Variants in ACAD8 observed in about 807,000 individuals in gnomAD.
ACAD8 encodes acyl-CoA dehydrogenase family member 8.
ACAD8 carries 47 observed loss-of-function variants against 53.1 expected under a neutral mutation model. That is an observed-to-expected ratio of 0.89 (90% CI 0.70 to 1.13). The LOEUF is 1.13. Ranked by LOEUF, ACAD8 falls within the 50% of genes most tolerant of loss-of-function variation. The pLI is 0.00. For missense variants in ACAD8, 494 were observed against 535.0 expected (o/e 0.92, Z 0.76); for synonymous variants, 198 against 201.3 (o/e 0.98, Z 0.14).
chr11:134,258,846 C>A, intron 4 of ACAD8, 162 bp from the exon 5 acceptor site: 1 of 763,058 alleles, frequency 1.3e-6, no homozygotes, highest in Non-Finnish European at 2.3e-6. Flanking sequence ...GAGCAGTTTC[C>A]ACCAAGTACA....
intron 10 of ACAD8, chr11:134,263,132 C>T: frequency 9.2e-7 from 1 of 1,091,624 alleles, no homozygotes; most frequent in Non-Finnish European, 1.1e-6. Context: ...CACAGACATT[C>T]TATCGAGGAA....
At position 134,261,890 on chromosome 11, in the gene ACAD8, C is replaced by G. The variant is rs146813391; in HGVS notation, c.1092C>G (p.Ala364=). 1 of 1,613,746 alleles carries G rather than the reference C, an allele frequency of 6.2e-7. No individual in the cohort carries two copies. Among genetic ancestry groups the G allele is most frequent in the East Asian group, 2.2e-5 (1 of 44,900 alleles). Residue 364 remains alanine (A), a splice_region_variant and synonymous_variant, in exon 9 of 11, where the codon GCC becomes GCG. Transcript: ENST00000281182. The surrounding 1 kb of genome is among the most constrained non-coding windows in gnomAD (Gnocchi z 4.2). The part of the protein sequence containing the change: ...AKLFATDECF[A]ICNQALQMHG... ...TCTTTGCTACAGATGAATGCTTTGC[C>G]GTAAGTGATTCCTCTGGCTCTCCTG...
At chr11:134,264,147 C>T (rs188876517) in intron 10 of ACAD8, 2 of 700,232 alleles carry the variant, frequency 2.9e-6, no homozygotes, top group Non-Finnish European at 3.5e-6. Context: ...GAGTTCGAGA[C>T]CAGCTTGGCC....
intron 10 of ACAD8, chr11:134,263,245 G>A (rs1005558717): frequency 1.5e-5 from 15 of 1,006,904 alleles, no homozygotes; most frequent in African/African-American, 1.7e-5. Context: ...AGCAGGAGGG[G>A]CAGAGGCTTC....
chr11:134,253,868 A>C (rs1939284598), intron 1 of ACAD8, among the ~76,000 whole-genome samples, 159 bp downstream of exon 1: 1 of 142,208 alleles, frequency 7.0e-6, no homozygotes, highest in Non-Finnish European at 1.5e-5. Context: ...CCGGCCGGTC[A>C]CCCCCGGCCT....
intron 2 of ACAD8, 21 bp downstream of exon 2, chr11:134,256,669 T>A: frequency 6.2e-7 from 1 of 1,601,224 alleles, no homozygotes; most frequent in Non-Finnish European, 8.6e-7. Context: ...TTCTTGTGCT[T>A]AGACGTTCTA....
rs1269822910 is a variant in ACAD8, at chr11:134,261,696, A to T, written c.940-42A>T. ...GGCTCCTGCACCAGGTGCTGGTCTA[A>T]GCCCCTCAGTCTTGTCTGGTTCTCT... is the stretch of plus-strand genomic sequence containing the variant. On this transcript the variant is annotated intron_variant, in intron 8 of 10. Transcript: ENST00000281182. The surrounding 1 kb of genome is among the most constrained non-coding windows in gnomAD (Gnocchi z 4.2). The T allele has an allele frequency of 2.5e-6, 4 of 1,610,446 alleles. No individual in the cohort carries two copies. Among genetic ancestry groups the T allele is most frequent in the Non-Finnish European group, 3.4e-6 (4 of 1,179,868 alleles).
At position 134,261,801 on chromosome 11, in the gene ACAD8, A is replaced by G. The variant is rs1421816413; in HGVS notation, c.1003A>G (p.Asn335Asp). Residue 335 changes from asparagine to aspartate, a missense_variant, in exon 9 of 11, where the codon AAT (asparagine) becomes GAT (aspartate). Asn to Asp is a conservative substitution (Grantham distance 23, BLOSUM62 1). Transcript: ENST00000281182. The surrounding 1 kb of genome is among the most constrained non-coding windows in gnomAD (Gnocchi z 4.2). ...GGTGGCCGCGCGGCTGATGGTCCGC[A>G]ATGCAGCAGTGGCTCTGCAGGAGGA... The part of the protein sequence containing the change: ...RLVAARLMVR[N>D]AAVALQEERK... The G allele has an allele frequency of 1.2e-6, 2 of 1,614,180 alleles. No homozygotes were observed. The highest frequency in any genetic ancestry group is 1.7e-6 in the Non-Finnish European group (2 of 1,180,040).
Position 134,265,014 on chromosome 11 carries a change from G to T in ACAD8, c.*54G>T. 1 of 1,574,030 alleles carries T rather than the reference G, an allele frequency of 6.4e-7. No individual in the cohort carries two copies. The highest frequency in any genetic ancestry group is 8.7e-7 in the Non-Finnish European group (1 of 1,143,932). ...AGTGCGACTGCAGTCAGTGTTGAGT[G>T]GTGCCATGTGGGCCGCTCTATTCCA... is the stretch of plus-strand genomic sequence containing the variant. On this transcript the variant is annotated 3_prime_UTR_variant, in exon 11 of 11. Transcript: ENST00000281182.
intron 2 of ACAD8, 70 bp downstream of exon 2, chr11:134,256,718 T>G (rs473041): frequency 7.5e-7 from 1 of 1,333,404 alleles, no homozygotes; most frequent in Non-Finnish European, 1.1e-6. Context: ...CTTTGTCTCC[T>G]GATAATGTAA....
intron 4 of ACAD8, 27 bp downstream of exon 4, chr11:134,258,651 A>T: frequency 6.6e-7 from 1 of 1,526,288 alleles, no homozygotes; most frequent in Non-Finnish European, 9.1e-7. Context: ...GCACTGAGAT[A>T]TAGCAGGGAG....
In ACAD8 at chr11:134,265,000, AGTC is replaced by A. The variant is rs985419163; in HGVS notation, c.*41_*43del. ...CTGGCCTGGTGTTCAGTGCGACTGC[AGTC>A]AGTGTTGAGTGGTGCCATGTGGGCC... On this transcript the variant is annotated 3_prime_UTR_variant, in exon 11 of 11. Coordinates refer to ENST00000281182, the MANE Select transcript of ACAD8 (RefSeq NM_014384.3). 9 of 1,604,496 alleles carry A rather than the reference AGTC, an allele frequency of 5.6e-6. No individual in the cohort carries two copies. Among genetic ancestry groups the A allele is most frequent in the Non-Finnish European group, 6.8e-6 (8 of 1,171,476 alleles).
Position 134,261,901 on chromosome 11 carries a change from C to T in ACAD8, c.1092+11C>T, listed in dbSNP as rs778985827. The T allele has an allele frequency of 5.0e-6, 8 of 1,613,466 alleles. No individual in the cohort carries two copies. Among genetic ancestry groups the T allele is most frequent in the Non-Finnish European group, 6.8e-6 (8 of 1,180,014 alleles). ...GATGAATGCTTTGCCGTAAGTGATT[C>T]CTCTGGCTCTCCTGGGATGGACAGG... On this transcript the variant is annotated intron_variant, in intron 9 of 10. Coordinates refer to ENST00000281182, the MANE Select transcript of ACAD8 (RefSeq NM_014384.3). This position sits in a 1 kb window ranked among gnomAD's most constrained non-coding sequence, Gnocchi z 4.2.
At chr11:134,263,607 G>A in intron 10 of ACAD8, 1 of 985,418 alleles carries the variant, frequency 1.0e-6, no homozygotes, top group Non-Finnish European at 1.2e-6. Context: ...ATGTTTATGG[G>A]CTCAGTCGCC....
At position 134,258,533 on chromosome 11, in the gene ACAD8, T is replaced by C. The variant is rs754229258; in HGVS notation, c.399T>C (p.Ile133=). The change falls in exon 4 of 11, where the codon ATT becomes ATC. Residue 133 remains isoleucine, a synonymous_variant. Coordinates refer to ENST00000281182, the MANE Select transcript of ACAD8 (RefSeq NM_014384.3). ...ISIHNMCAWM[I]DSFGNEEQRH... is the part of the protein sequence containing the mutation. ...CTATCAGCATGTGTGCCTGGATGAT[T>C]GATAGCTTCGGAAATGAGGAACAGA... 5 of 1,613,744 alleles carry C rather than the reference T, an allele frequency of 3.1e-6. No individual in the cohort carries two copies. The highest frequency in any genetic ancestry group is 2.5e-6 in the Non-Finnish European group (3 of 1,179,750).
intron 10 of ACAD8, chr11:134,263,868 A>G: frequency 2.0e-6 from 2 of 985,398 alleles, no homozygotes; most frequent in Non-Finnish European, 2.4e-6. Context: ...TTTATGCTTT[A>G]TTTGAGACGA....
chr11:134,262,694 C>T, intron 10 of ACAD8, 72 bp downstream of exon 10: 2 of 1,533,852 alleles, frequency 1.3e-6, no homozygotes, highest in Non-Finnish European at 8.8e-7. Flanking sequence ...CACTCTCTGT[C>T]CCCATGCCTC....
In ACAD8 at chr11:134,261,103, G is replaced by C; in HGVS notation, c.765G>C (p.Val255=). The C allele has an allele frequency of 3.7e-6, 6 of 1,612,164 alleles. No homozygotes were observed. Among genetic ancestry groups the C allele is most frequent in the Non-Finnish European group, 4.2e-6 (5 of 1,179,244 alleles). Residue 255 remains valine (V), a synonymous_variant, in exon 7 of 11, where the codon GTG becomes GTC. Transcript: ENST00000281182. The surrounding 1 kb of genome is among the most constrained non-coding windows in gnomAD (Gnocchi z 4.2). The part of the protein sequence containing the change: ...AVIFEDCAVP[V]ANRIGSEGQG... ...TCTTCGAAGACTGTGCTGTCCCTGT[G>C]GCCAACAGAATTGGGAGCGAGGGGC... is the stretch of plus-strand genomic sequence containing the variant.
At chr11:134,253,841 CG>C in intron 1 of ACAD8, 132 bp downstream of exon 1, 12 of 981,474 alleles carry the variant, frequency 1.2e-5, no homozygotes, top group Non-Finnish European at 1.7e-5. Flanking sequence ...GTCACCCCCC[CG>C]GCCTGGCTCC....
Sources: allele counts gnomAD v4.1 joint callset (sites outside exome capture counted in the v4.1 genomes callset), GRCh38; gene constraint gnomAD v4.1.1; non-coding constraint Gnocchi (gnomAD v3.1); transcripts MANE v1.5; gene names NCBI Gene and HGNC (gene_info 2026-07-23, HGNC 2026-07-21).